Variants in NDUFS4 observed in about 807,000 individuals in gnomAD.
The protein encoded by NDUFS4 is NADH dehydrogenase [ubiquinone] iron-sulfur protein 4, mitochondrial.
NDUFS4 carries 28 observed loss-of-function variants against 24.3 expected under a neutral mutation model. The observed-to-expected ratio is 1.15, with a 90% CI of 0.85 to 1.58. The LOEUF is 1.58. Among genes scored for constraint, NDUFS4 ranks in the 40% most tolerant of loss-of-function variants. NDUFS4 has a pLI of 0.00. For missense variants in NDUFS4, 223 were observed against 207.9 expected (o/e 1.07, Z -0.45); for synonymous variants, 93 against 69.7 (o/e 1.34, Z -1.67).
rs530798997 is a variant in NDUFS4, at chr5:53,616,217, AT to A, written c.177+12699del. Among the ~76,000 whole-genome samples, 992 of 147,760 alleles carry A rather than the reference AT, an allele frequency of 6.7e-3. 15 individuals are homozygous for A. Among genetic ancestry groups the A allele is most frequent in the Middle Eastern group, 0.028 (8 of 284 alleles). On this transcript the variant is annotated intron_variant, in intron 2 of 4. Coordinates refer to ENST00000296684, the MANE Select transcript of NDUFS4 (RefSeq NM_002495.4). ...TATTATCCTTTCCTTCATTCATTCA[AT>A]TTTTTTTTTTTAGCATATTCTAGGC...
intron 3 of NDUFS4, among the ~76,000 whole-genome samples, chr5:53,652,457 C>T (rs992895139): frequency 1.3e-5 from 2 of 151,960 alleles, no homozygotes; most frequent in Non-Finnish European, 2.9e-5. Flanking sequence ...CATATGTTTT[C>T]CTCAGTGGGG....
intron 2 of NDUFS4, among the ~76,000 whole-genome samples, chr5:53,619,069 G>A (rs561673594): frequency 5.4e-4 from 82 of 151,674 alleles, no homozygotes; most frequent in Admixed American, 9.9e-4. Context: ...AGCTAAGATC[G>A]CGCCACTCTA....
intron 2 of NDUFS4, among the ~76,000 whole-genome samples, chr5:53,619,486 C>CAAA (rs70983366): frequency 0.052 from 2,554 of 48,656 alleles, 392 homozygotes; most frequent in African/African-American, 0.2. Context: ...GACTCTGTCT[C>CAAA]AAAAAAAAAA....
At chr5:53,667,000 C>T (rs1752533168) in intron 4 of NDUFS4, among the ~76,000 whole-genome samples, 1 of 152,170 alleles carries the variant, frequency 6.6e-6, no homozygotes, top group African/African-American at 2.4e-5. Flanking sequence ...AACCATTCTC[C>T]TCTCCTGGGA....
At chr5:53,625,906 C>T (rs1751206653) in intron 2 of NDUFS4, among the ~76,000 whole-genome samples, 1 of 151,930 alleles carries the variant, frequency 6.6e-6, no homozygotes, top group Admixed American at 6.6e-5. Flanking sequence ...TAAAATTATA[C>T]TTTAAGTTCT....
At chr5:53,598,006 TCAA>T (rs1160810922) in intron 1 of NDUFS4, among the ~76,000 whole-genome samples, 4 of 152,226 alleles carry the variant, frequency 2.6e-5, no homozygotes, top group Non-Finnish European at 4.4e-5. Context: ...GAAAATATGT[TCAA>T]CGTCATATGT....
chr5:53,638,242 G>A (rs1751612553), intron 2 of NDUFS4, among the ~76,000 whole-genome samples: 1 of 151,982 alleles, frequency 6.6e-6, no homozygotes, highest in Non-Finnish European at 1.5e-5. Flanking sequence ...CTTATCAAAT[G>A]AGCCTAATTA....
chr5:53,674,973 C>T (rs1226913023), intron 4 of NDUFS4, among the ~76,000 whole-genome samples: 2 of 152,096 alleles, frequency 1.3e-5, no homozygotes, highest in African/African-American at 2.4e-5. Context: ...AACTTGAAGT[C>T]TCAAAATGTT....
At chr5:53,647,610 G>A (rs765617761) in intron 3 of NDUFS4, among the ~76,000 whole-genome samples, 17 of 152,166 alleles carry the variant, frequency 1.1e-4, no homozygotes, top group Non-Finnish European at 2.1e-4. Context: ...GGGCCCAAAT[G>A]TTAAGTAGGA....
intron 1 of NDUFS4, among the ~76,000 whole-genome samples, chr5:53,563,251 A>G (rs865794076): frequency 2.0e-5 from 3 of 149,036 alleles, no homozygotes; most frequent in East Asian, 2.0e-4. Flanking sequence ...AAAAAAAAAA[A>G]AAAGAAAAGG....
At chr5:53,645,253 A>G (rs1275153120) in intron 2 of NDUFS4, among the ~76,000 whole-genome samples, 1 of 152,092 alleles carries the variant, frequency 6.6e-6, no homozygotes, top group Non-Finnish European at 1.5e-5. Context: ...CAGATAAAGT[A>G]TTTTACCATT....
intron 4 of NDUFS4, among the ~76,000 whole-genome samples, chr5:53,682,203 G>T (rs1740689626): frequency 6.6e-6 from 1 of 152,088 alleles, no homozygotes; most frequent in Non-Finnish European, 1.5e-5. Context: ...TTTTAAGGAG[G>T]AGGATGTTGA....
chr5:53,594,284 A>G (rs1750063741), intron 1 of NDUFS4, among the ~76,000 whole-genome samples: 1 of 151,984 alleles, frequency 6.6e-6, no homozygotes, highest in Admixed American at 6.5e-5. Flanking sequence ...TATCACTATC[A>G]CCTTCTTCAT....
chr5:53,640,844 C>A (rs1751688091), intron 2 of NDUFS4, among the ~76,000 whole-genome samples: 1 of 152,162 alleles, frequency 6.6e-6, no homozygotes, highest in South Asian at 2.1e-4. Flanking sequence ...CTCCAGTTTC[C>A]CATGGAATAT....
intron 1 of NDUFS4, among the ~76,000 whole-genome samples, chr5:53,578,498 G>A (rs1749457366): frequency 1.3e-5 from 2 of 152,128 alleles, no homozygotes; most frequent in Admixed American, 1.3e-4. Flanking sequence ...CGTCATGTCA[G>A]TCTAGCAGAC....
chr5:53,591,983 C>A (rs183269863), intron 1 of NDUFS4, among the ~76,000 whole-genome samples: 33 of 152,170 alleles, frequency 2.2e-4, no homozygotes, highest in African/African-American at 7.7e-4. Context: ...GTTGCCCAGG[C>A]TGGAGTGCAG....
intron 2 of NDUFS4, among the ~76,000 whole-genome samples, chr5:53,609,193 T>A (rs778256389): frequency 3.3e-5 from 5 of 152,222 alleles, no homozygotes; most frequent in Non-Finnish European, 7.3e-5. Flanking sequence ...TTTGTTCAGA[T>A]CCATCAGAGG....
chr5:53,565,257 G>C, intron 1 of NDUFS4, among the ~76,000 whole-genome samples: 1 of 152,344 alleles, frequency 6.6e-6, no homozygotes, highest in Non-Finnish European at 1.5e-5. Context: ...TATAAATTGA[G>C]TGAAAAATAA....
intron 2 of NDUFS4, among the ~76,000 whole-genome samples, chr5:53,611,609 T>C (rs1449448712): frequency 6.6e-6 from 1 of 152,102 alleles, no homozygotes; most frequent in African/African-American, 2.4e-5. Context: ...TTTTGTGGAC[T>C]GTACCATTAT....
Sources: gnomAD v4.1 joint callset for allele counts (sites outside exome capture counted in the v4.1 genomes callset) on GRCh38, gnomAD v4.1.1 for gene constraint, MANE v1.5 for transcripts, NCBI Gene and HGNC (gene_info 2026-07-23, HGNC 2026-07-21) for gene names.